Variants in ADAMTSL1 observed in about 807,000 individuals in gnomAD.
ADAMTSL1 encodes ADAMTS like 1, also known as ADAMTS-like protein 1.
ADAMTSL1 carries 126 observed loss-of-function variants against 201.8 expected under a neutral mutation model. That is an observed-to-expected ratio of 0.62 (90% CI 0.54 to 0.72). The LOEUF (loss-of-function observed/expected upper bound fraction) is 0.72. Among genes scored for constraint, ADAMTSL1 ranks in the 30% least tolerant of loss-of-function variants. The pLI is 0.00. For synonymous variants in ADAMTSL1, 1,121 were observed against 903.4 expected, an observed-to-expected ratio of 1.24 and a Z score of -4.32; for missense variants, 2,679 against 2,277.8, an observed-to-expected ratio of 1.18 and a Z score of -3.59.
chr9:17,993,861 C>T (rs996060761), intron 1 of ADAMTSL1, among the ~76,000 whole-genome samples: 6 of 152,086 alleles, frequency 3.9e-5, no homozygotes, highest in Non-Finnish European at 5.9e-5. Flanking sequence ...GGATTTGTCT[C>T]TGTTGAAGAA....
At chr9:18,595,220 C>G (rs944891047) in intron 4 of ADAMTSL1, among the ~76,000 whole-genome samples, 9 of 152,192 alleles carry the variant, frequency 5.9e-5, no homozygotes, top group African/African-American at 2.2e-4. Context: ...CTGTAGGCCT[C>G]TGCCCAGGTA....
At chr9:18,618,922 G>T (rs765025357) in intron 4 of ADAMTSL1, among the ~76,000 whole-genome samples, 4 of 152,134 alleles carry the variant, frequency 2.6e-5, no homozygotes, top group Non-Finnish European at 4.4e-5. Flanking sequence ...AATAAGAGAA[G>T]ATGGATATTT....
chr9:18,475,798 C>A (rs1006020141), intron 1 of ADAMTSL1, among the ~76,000 whole-genome samples: 3 of 151,974 alleles, frequency 2.0e-5, no homozygotes, highest in Admixed American at 6.6e-5. Flanking sequence ...CATCATAAAG[C>A]AAATTACCAG....
At chr9:18,615,941 G>A (rs1168513770) in intron 4 of ADAMTSL1, among the ~76,000 whole-genome samples, 1 of 152,134 alleles carries the variant, frequency 6.6e-6, no homozygotes, top group African/African-American at 2.4e-5. Context: ...TGCCAGCCCT[G>A]CCCTAAGTAC....
chr9:18,850,865 T>C (rs1274851078), intron 23 of ADAMTSL1, among the ~76,000 whole-genome samples: 1 of 152,186 alleles, frequency 6.6e-6, no homozygotes, highest in African/African-American at 2.4e-5. Flanking sequence ...CTCAGGTAAA[T>C]TAAGCAAGAA....
intron 23 of ADAMTSL1, among the ~76,000 whole-genome samples, chr9:18,861,734 T>C (rs1419807821): frequency 6.6e-6 from 1 of 152,202 alleles, no homozygotes; most frequent in Non-Finnish European, 1.5e-5. Context: ...CCATTCGCTC[T>C]TTGGGCTTGG....
At chr9:18,758,099 C>T (rs965871507) in intron 16 of ADAMTSL1, among the ~76,000 whole-genome samples, 1 of 152,160 alleles carries the variant, frequency 6.6e-6, no homozygotes, top group African/African-American at 2.4e-5. Context: ...AACACTCATT[C>T]GCTGCACTTG....
At position 18,635,926 on chromosome 9, in the gene ADAMTSL1, G is replaced by T. The variant is rs774869088; in HGVS notation, c.602-17G>T. 4.4e-6 allele frequency: 7 copies of T among 1,590,938 alleles called. No homozygotes were observed. The highest frequency in any genetic ancestry group is 3.8e-5 in the Admixed American group (2 of 53,328). On this transcript the variant is annotated splice_polypyrimidine_tract_variant and intron_variant, in intron 5 of 28. Coordinates refer to ENST00000380548, the MANE Select transcript of ADAMTSL1 (RefSeq NM_001040272.6). Reference sequence around the variant, plus strand: ...TCAAGTGACATGCTTTTAAGATTTTGCTTTGTTTCTCTCTAGCGGATGATA... The same window carrying T: ...TCAAGTGACATGCTTTTAAGATTTTTCTTTGTTTCTCTCTAGCGGATGATA...
At chr9:18,443,827 C>T (rs1340039) in intron 2 of ADAMTSL1, among the ~76,000 whole-genome samples, 63,540 of 151,670 alleles carry the variant, frequency 0.42, 13,480 homozygotes, top group East Asian at 0.54. Context: ...TGTACATAGA[C>T]TATAATATTG....
chr9:17,933,298 A>G (rs960573963), intron 1 of ADAMTSL1, among the ~76,000 whole-genome samples: 4 of 151,958 alleles, frequency 2.6e-5, no homozygotes, highest in African/African-American at 9.7e-5. Flanking sequence ...TCTCCTCTGT[A>G]TGGGTCAAAT....
At chr9:18,150,489 G>T (rs1826859740) in intron 1 of ADAMTSL1, among the ~76,000 whole-genome samples, 1 of 152,078 alleles carries the variant, frequency 6.6e-6, no homozygotes, top group Admixed American at 6.6e-5. Context: ...TCAAAAGTCA[G>T]AGTTTCTGTT....
At chr9:17,929,430 A>G (rs549315058) in intron 1 of ADAMTSL1, among the ~76,000 whole-genome samples, 104 of 152,066 alleles carry the variant, frequency 6.8e-4, no homozygotes, top group African/African-American at 2.4e-3. Context: ...CCCCATTGAG[A>G]ATGCATGCTT....
intron 4 of ADAMTSL1, among the ~76,000 whole-genome samples, chr9:18,593,840 C>T (rs950524567): frequency 1.8e-4 from 27 of 151,904 alleles, no homozygotes; most frequent in African/African-American, 6.5e-4. Flanking sequence ...TATGGGCTGT[C>T]CTTGAGAATG....
At chr9:18,178,766 G>T (rs1416239387) in intron 2 of ADAMTSL1, among the ~76,000 whole-genome samples, 7 of 152,130 alleles carry the variant, frequency 4.6e-5, no homozygotes, top group Non-Finnish European at 1.0e-4. Context: ...AGCAGGGGCA[G>T]ACTGACACCT....
upstream of ADAMTSL1, chr9:18,474,089 C>T (rs1821329805): frequency 3.1e-6 from 2 of 647,100 alleles, no homozygotes; most frequent in East Asian, 2.9e-5. Context: ...CCCACCCACC[C>T]CTCGGTCAGG....
In ADAMTSL1 at chr9:18,182,412, G is replaced by C. The variant is rs146443975; in HGVS notation, c.207+18431G>C. On this transcript the variant is annotated intron_variant, in intron 2 of 29. Transcript: ENST00000680146. ...TGTTGATTTTTAAAAAGAATCCTGT[G>C]GTCTATACAGTTTAAGAAGGGAAAA... 7.1e-3 allele frequency among the ~76,000 whole-genome samples: 1,080 copies of C among 152,140 alleles called. 4 individuals are homozygous for C. Among genetic ancestry groups the C allele is most frequent in the Middle Eastern group, 0.014 (4 of 294 alleles).
chr9:18,344,256 C>G (rs1835599799), intron 2 of ADAMTSL1, among the ~76,000 whole-genome samples: 1 of 152,012 alleles, frequency 6.6e-6, no homozygotes, highest in African/African-American at 2.4e-5. Context: ...ATAAAAAACT[C>G]TTCAGATTCT....
At chr9:18,264,666 A>T (rs1222251183) in intron 2 of ADAMTSL1, among the ~76,000 whole-genome samples, 1 of 152,154 alleles carries the variant, frequency 6.6e-6, no homozygotes, top group Non-Finnish European at 1.5e-5. Context: ...TTCCACTTCC[A>T]ATTTAAGGAC....
intron 2 of ADAMTSL1, among the ~76,000 whole-genome samples, chr9:18,199,280 AG>A (rs1275475203): frequency 6.6e-6 from 1 of 152,126 alleles, no homozygotes; most frequent in Non-Finnish European, 1.5e-5. Flanking sequence ...AAAGAAAAAA[AG>A]TACGGCTTCT....
Sources: gnomAD v4.1 joint callset for allele counts (sites outside exome capture counted in the v4.1 genomes callset) on GRCh38, gnomAD v4.1.1 for gene constraint, MANE v1.5 for transcripts, NCBI Gene and HGNC (gene_info 2026-07-23, HGNC 2026-07-21) for gene names.